Variants in NTM observed in about 807,000 individuals in gnomAD.
NTM encodes neurotrimin.
Under a neutral mutation model 42.1 loss-of-function variants are expected in NTM, and 13 were observed. That is an observed-to-expected ratio of 0.31 (90% confidence interval 0.20 to 0.49). The LOEUF is 0.49. Ranked by LOEUF, NTM falls within the 20% of genes least tolerant of loss-of-function variation. The pLI is 0.99. For synonymous variants in NTM, 187 were observed against 179.2 expected (o/e 1.04, Z -0.35); for missense variants, 373 against 452.8 (o/e 0.82, Z 1.60).
intron 2 of NTM, among the ~76,000 whole-genome samples, chr11:131,989,395 A>G (rs2066622251): frequency 6.6e-6 from 1 of 152,210 alleles, no homozygotes; most frequent in African/African-American, 2.4e-5. Flanking sequence ...TACTCATTGC[A>G]GAATTAAATT....
chr11:132,111,010 G>A (rs568041581), intron 2 of NTM, among the ~76,000 whole-genome samples: 3 of 134,740 alleles, frequency 2.2e-5, no homozygotes, highest in South Asian at 4.8e-4. Context: ...GCTACAATGA[G>A]CCATGATTGT....
intron 1 of NTM, among the ~76,000 whole-genome samples, chr11:131,694,733 C>T (rs1382537518): frequency 6.6e-6 from 1 of 152,148 alleles, no homozygotes; most frequent in Non-Finnish European, 1.5e-5. Context: ...GCTGAAGGAG[C>T]AGATTTGGTT....
At chr11:131,453,379 T>C (rs561872757) in intron 1 of NTM, among the ~76,000 whole-genome samples, 237 of 152,260 alleles carry the variant, frequency 1.6e-3, no homozygotes, top group African/African-American at 5.4e-3. Flanking sequence ...AATTTTTTCA[T>C]TTTTAGGAGG....
chr11:131,489,144 C>T (rs1954500396), intron 1 of NTM, among the ~76,000 whole-genome samples: 1 of 152,316 alleles, frequency 6.6e-6, no homozygotes, highest in African/African-American at 2.4e-5. Context: ...TCTCTTCTCC[C>T]TTTTTCTTTA....
At chr11:131,479,154 T>A (rs1953276154) in intron 1 of NTM, among the ~76,000 whole-genome samples, 1 of 152,230 alleles carries the variant, frequency 6.6e-6, no homozygotes, top group Non-Finnish European at 1.5e-5. Flanking sequence ...GCTATATGCC[T>A]TTTGTATAGA....
intron 2 of NTM, among the ~76,000 whole-genome samples, chr11:131,959,612 A>C (rs1482550248): frequency 2.0e-5 from 3 of 152,180 alleles, no homozygotes; most frequent in African/African-American, 7.2e-5. Context: ...CTCCAGCCTG[A>C]GTGACAGAGT....
Position 131,718,748 on chromosome 11 carries a change from A to T in NTM, c.83-192816A>T, listed in dbSNP as rs541253643. Among the ~76,000 whole-genome samples the T allele has an allele frequency of 5.3e-5, 8 of 152,046 alleles. No homozygotes were observed. The East Asian group carries it at 1.4e-3, about 26-fold the overall frequency. Reference sequence around the variant, plus strand: ...TATTCTGAGCACTCTAATGTTCTTGATCTTCCAGGGCTTTCAGTTGCTCAA... The same window carrying T: ...TATTCTGAGCACTCTAATGTTCTTGTTCTTCCAGGGCTTTCAGTTGCTCAA... On this transcript the variant is annotated intron_variant, in intron 1 of 8. Transcript: ENST00000683400.
At chr11:131,487,289 C>T (rs1591807656) in intron 1 of NTM, among the ~76,000 whole-genome samples, 2 of 152,200 alleles carry the variant, frequency 1.3e-5, no homozygotes, top group African/African-American at 4.8e-5. Flanking sequence ...ACTCAGCCCC[C>T]TGATGTATAC....
At chr11:131,716,808 T>A (rs1391636089) in intron 1 of NTM, among the ~76,000 whole-genome samples, 2 of 152,204 alleles carry the variant, frequency 1.3e-5, no homozygotes, top group Non-Finnish European at 2.9e-5. Flanking sequence ...GTATTTATGC[T>A]AATACGATAC....
At chr11:131,435,104 G>A (rs566851345) in intron 1 of NTM, among the ~76,000 whole-genome samples, 1 of 152,258 alleles carries the variant, frequency 6.6e-6, no homozygotes, top group East Asian at 1.9e-4. Context: ...GGTTGTAGAT[G>A]TGTGGTGTTA....
intron 2 of NTM, among the ~76,000 whole-genome samples, chr11:132,044,164 GCTTATGTGCA>G (rs2077647793): frequency 7.3e-6 from 1 of 136,914 alleles, no homozygotes; most frequent in Non-Finnish European, 1.5e-5. Context: ...GTGTGTGTGT[GCTTATGTGCA>G]TGTGTATGTG....
intron 1 of NTM, among the ~76,000 whole-genome samples, chr11:131,579,591 T>C (rs1217756071): frequency 3.9e-5 from 6 of 152,170 alleles, no homozygotes; most frequent in African/African-American, 1.2e-4. Flanking sequence ...CGTCCATGCA[T>C]GGGAGGAAGA....
At chr11:132,027,189 C>G (rs2075296876) in intron 2 of NTM, among the ~76,000 whole-genome samples, 1 of 152,192 alleles carries the variant, frequency 6.6e-6, no homozygotes, top group Non-Finnish European at 1.5e-5. Context: ...TCCTTTTCCC[C>G]TTTTGTGGCC....
At chr11:131,587,866 G>A (rs1055270509) in intron 1 of NTM, among the ~76,000 whole-genome samples, 1 of 152,094 alleles carries the variant, frequency 6.6e-6, no homozygotes, top group African/African-American at 2.4e-5. Flanking sequence ...GTTCAGGGCT[G>A]GTGGAATACA....
intron 1 of NTM, among the ~76,000 whole-genome samples, chr11:131,637,794 G>C (rs1413836063): frequency 6.6e-6 from 1 of 152,018 alleles, no homozygotes; most frequent in Non-Finnish European, 1.5e-5. Flanking sequence ...CATCAACCTG[G>C]TGGTGCACAA....
intron 1 of NTM, among the ~76,000 whole-genome samples, chr11:131,683,798 G>A (rs753555903): frequency 3.9e-5 from 6 of 152,152 alleles, no homozygotes; most frequent in Admixed American, 6.5e-5. Flanking sequence ...GTCCCCTGGG[G>A]GGCACTCTGG....
At chr11:131,794,252 A>C (rs1337127568) in intron 1 of NTM, among the ~76,000 whole-genome samples, 1 of 152,170 alleles carries the variant, frequency 6.6e-6, no homozygotes, top group Non-Finnish European at 1.5e-5. Flanking sequence ...CCCTGTGAGC[A>C]GTCACACTGC....
At chr11:132,051,374 G>C (rs2078832485) in intron 2 of NTM, among the ~76,000 whole-genome samples, 1 of 152,096 alleles carries the variant, frequency 6.6e-6, no homozygotes, top group Non-Finnish European at 1.5e-5. Context: ...TTAAAGTCAG[G>C]GTTCAGAATG....
At chr11:132,231,505 G>C (rs1315057062) in intron 4 of NTM, among the ~76,000 whole-genome samples, 1 of 152,176 alleles carries the variant, frequency 6.6e-6, no homozygotes. Flanking sequence ...AGACACAGAA[G>C]TTTTATTAAG....
Sources: allele counts gnomAD v4.1 joint callset (sites outside exome capture counted in the v4.1 genomes callset), GRCh38; gene constraint gnomAD v4.1.1; transcripts MANE v1.5; gene names NCBI Gene and HGNC (gene_info 2026-07-23, HGNC 2026-07-21).